EGFR: variants seen among roughly 807,000 people sequenced by gnomAD.
EGFR encodes the protein epidermal growth factor receptor.
A neutral mutation model predicts 143.0 loss-of-function variants in EGFR; 58 were observed. The observed-to-expected ratio is 0.41, with a 90% confidence interval of 0.33 to 0.50. The LOEUF is 0.50. Ranked by LOEUF, EGFR falls within the 20% of genes least tolerant of loss-of-function variation. The pLI, the probability that EGFR is intolerant of heterozygous loss-of-function variation, is 0.39. For synonymous variants in EGFR, 613 were observed against 594.4 expected (o/e 1.03, Z -0.45); for missense variants, 1,307 against 1,579.0 (o/e 0.83, Z 2.92).
intron 13 of EGFR, among the ~76,000 whole-genome samples, chr7:55,162,608 T>TG (rs1334149704): frequency 1.3e-5 from 2 of 152,192 alleles, no homozygotes; most frequent in Non-Finnish European, 2.9e-5. Flanking sequence ...AACGCCCACG[T>TG]GGGGAGCCCC....
At chr7:55,126,894 GGATCATACC>G (rs1469244910) in intron 1 of EGFR, among the ~76,000 whole-genome samples, 1 of 152,118 alleles carries the variant, frequency 6.6e-6, no homozygotes, top group African/African-American at 2.4e-5. Flanking sequence ...GGTTTACTAA[GGATCATACC>G]GTAGTATGAA....
intron 15 of EGFR, chr7:55,170,689 C>A: frequency 1.3e-6 from 2 of 1,576,586 alleles, no homozygotes; most frequent in South Asian, 1.2e-5. Flanking sequence ...AGTAGCTAAC[C>A]ATCACCCCCA....
chr7:55,198,178 G>A (rs1486989405), intron 22 of EGFR, among the ~76,000 whole-genome samples: 5 of 152,086 alleles, frequency 3.3e-5, no homozygotes, highest in African/African-American at 1.2e-4. Context: ...CAATTTTGGA[G>A]CTCATTATTG....
chr7:55,154,282 A>G (rs2128935467), intron 7 of EGFR, 130 bp downstream of exon 7: 1 of 1,420,100 alleles, frequency 7.0e-7, no homozygotes, highest in South Asian at 1.2e-5. Context: ...GGAGGAGGCG[A>G]CCCTGTGCCC....
At chr7:55,025,681 C>G (rs1257822951) in intron 1 of EGFR, among the ~76,000 whole-genome samples, 1 of 152,200 alleles carries the variant, frequency 6.6e-6, no homozygotes, top group African/African-American at 2.4e-5. Context: ...GATCACAGAA[C>G]AAGTTCTCCT....
chr7:55,088,268 G>T (rs956775946), intron 1 of EGFR, among the ~76,000 whole-genome samples: 2 of 152,196 alleles, frequency 1.3e-5, no homozygotes, highest in African/African-American at 4.8e-5. Flanking sequence ...AGGTAGGAGC[G>T]GATGGGGGAG....
intron 1 of EGFR, among the ~76,000 whole-genome samples, chr7:55,096,343 T>C (rs28444301): frequency 0.011 from 1,628 of 152,376 alleles, 31 homozygotes; most frequent in African/African-American, 0.038. Flanking sequence ...AATTCCGTGA[T>C]GTGTACCCCA....
intron 1 of EGFR, among the ~76,000 whole-genome samples, chr7:55,100,238 A>C (rs889604329): frequency 1.3e-5 from 2 of 152,194 alleles, no homozygotes; most frequent in Admixed American, 1.3e-4. Context: ...ACCCTGGGTC[A>C]CCTGACCTAG....
intron 1 of EGFR, among the ~76,000 whole-genome samples, chr7:55,112,401 C>A (rs111744584): frequency 0.012 from 1,878 of 152,332 alleles, 23 homozygotes; most frequent in Non-Finnish European, 0.021. Flanking sequence ...CGGGGTGGCA[C>A]GTTGCTCAAA....
intron 15 of EGFR, chr7:55,168,489 G>A (rs1313143193): frequency 2.5e-6 from 3 of 1,196,796 alleles, no homozygotes; most frequent in Non-Finnish European, 3.8e-6. Flanking sequence ...AATGTTAGTG[G>A]TCATTTTTCT....
Position 55,209,091 on chromosome 7 carries a change from A to C in EGFR, c.*3474A>C, listed in dbSNP as rs1788179134. 3 of 152,046 alleles carry C rather than the reference A, an allele frequency of 2.0e-5. No individual in the cohort carries two copies. Among genetic ancestry groups the C allele is most frequent in the Admixed American group, 2.0e-4 (3 of 15,272 alleles). The allele number at this position is 152,046 out of a possible 1,614,324, so 9.4% of individuals were successfully genotyped here. A position where few individuals can be genotyped will look rare whatever the true frequency, so the allele number is the denominator to read the frequency against. On this transcript the variant is annotated 3_prime_UTR_variant, in exon 28 of 28. Transcript: ENST00000275493. The stretch of plus-strand genomic sequence containing the variant: ...TGATGGGAACTCAGCACCTCCCCTC[A>C]GGCAGAAAAGAATCATCTGTGGAGC...
chr7:55,196,291 A>G (rs1337561457), intron 22 of EGFR, among the ~76,000 whole-genome samples: 1 of 148,880 alleles, frequency 6.7e-6, no homozygotes, highest in Non-Finnish European at 1.5e-5. Context: ...GCTCTTTTTC[A>G]TATACTTGTT....
chr7:55,025,055 TA>T (rs1786803805), intron 1 of EGFR, among the ~76,000 whole-genome samples: 1 of 152,218 alleles, frequency 6.6e-6, no homozygotes, highest in Admixed American at 6.5e-5. Flanking sequence ...AGAGTGCTAG[TA>T]ATTCAAATGG....
At chr7:55,052,403 C>G (rs908622953) in intron 1 of EGFR, among the ~76,000 whole-genome samples, 5 of 152,218 alleles carry the variant, frequency 3.3e-5, no homozygotes, top group African/African-American at 1.2e-4. Flanking sequence ...ATGTCCCTGC[C>G]TGAGTCGCCC....
chr7:55,187,473 C>T (rs967171675), intron 20 of EGFR, among the ~76,000 whole-genome samples: 4 of 152,176 alleles, frequency 2.6e-5, no homozygotes, highest in Admixed American at 6.5e-5. Flanking sequence ...GAGCATGACT[C>T]TCAGGACAGG....
intron 1 of EGFR, among the ~76,000 whole-genome samples, chr7:55,096,164 G>T (rs1791457911): frequency 6.6e-6 from 1 of 152,230 alleles, no homozygotes; most frequent in Admixed American, 6.5e-5. Context: ...GGTGAGTTCA[G>T]CACAAAAGCG....
intron 1 of EGFR, among the ~76,000 whole-genome samples, chr7:55,117,795 G>A (rs370978853): frequency 1.2e-4 from 19 of 152,174 alleles, no homozygotes; most frequent in Non-Finnish European, 7.4e-5. Flanking sequence ...TCAGGGCTGC[G>A]GAAAAGCATT....
At position 55,173,083 on chromosome 7, in the gene EGFR, G is replaced by A. The variant is rs17337079; in HGVS notation, c.2020G>A (p.Val674Ile). The change falls in exon 17 of 28, where the codon GTT becomes ATT. Residue 674 changes from valine (V) to isoleucine (I), a missense_variant. Val to Ile is a conservative substitution (Grantham distance 29). Around this residue, in one of 7 missense-constraint regions of EGFR, gnomAD observed 348 missense variants for 451.5 expected, o/e 0.77. Transcript: ENST00000275493. Reference protein sequence around the residue: ...IGLFMRRRHIVRKRTLRRLLQ... With the variant: ...IGLFMRRRHIIRKRTLRRLLQ... ...CCTCTTCATGCGAAGGCGCCACATC[G>A]TTCGGAAGCGCACGCTGCGGAGGCT... is the stretch of plus-strand genomic sequence containing the variant. 2.7e-5 allele frequency: 44 copies of A among 1,612,792 alleles called. No homozygotes were observed. Among genetic ancestry groups the A allele is most frequent in the African/African-American group, 8.0e-5 (6 of 74,922 alleles).
In EGFR at chr7:55,173,911, T is replaced by C; in HGVS notation, c.2062-10T>C. On this transcript the variant is annotated splice_polypyrimidine_tract_variant and intron_variant, in intron 17 of 27. Transcript: ENST00000275493. ...GGTGACCCTTGTCTCTGTGTTCTTGTCCCCCCCAGCTTGTGGAGCCTCTTA... is the reference window on the plus strand; with the variant it reads ...GGTGACCCTTGTCTCTGTGTTCTTGCCCCCCCCAGCTTGTGGAGCCTCTTA... 6.2e-7 allele frequency: 1 copy of C among 1,613,964 alleles called. No individual in the cohort carries two copies. Among genetic ancestry groups the C allele is most frequent in the Non-Finnish European group, 8.5e-7 (1 of 1,179,982 alleles).
Sources: gnomAD v4.1 joint callset for allele counts (sites outside exome capture counted in the v4.1 genomes callset) on GRCh38, gnomAD v4.1.1 for gene constraint, gnomAD v4.1.1 regional missense constraint, MANE v1.5 for transcripts, NCBI Gene and HGNC (gene_info 2026-07-23, HGNC 2026-07-21) for gene names.